GTF2I: variants seen among roughly 807,000 people sequenced by gnomAD.
GTF2I encodes the protein general transcription factor IIi.
GTF2I carries 12 observed loss-of-function variants against 67.6 expected under a neutral mutation model. The observed-to-expected ratio is 0.18, with a 90% CI of 0.11 to 0.29. The LOEUF is 0.29. Among genes scored for constraint, GTF2I ranks in the 10% least tolerant of loss-of-function variants. The pLI, the probability that GTF2I is intolerant of heterozygous loss-of-function variation, is 1.00. For synonymous variants in GTF2I, 149 were observed against 197.0 expected, an observed-to-expected ratio of 0.76 and a Z score of 2.04; for missense variants, 271 against 580.1, an observed-to-expected ratio of 0.47 and a Z score of 5.47.
In GTF2I at chr7:74,663,542, C is replaced by T. The variant is rs1351007433; in HGVS notation, c.-6+5474C>T. Reference sequence around the variant, plus strand: ...CTGACCTCAAGTGATCCACCCACCTCGGCCTCCCCAAGTGCTGAGATTACA... The same window carrying T: ...CTGACCTCAAGTGATCCACCCACCTTGGCCTCCCCAAGTGCTGAGATTACA... On this transcript the variant is annotated intron_variant, in intron 1 of 34. Coordinates refer to ENST00000573035, the MANE Select transcript of GTF2I (RefSeq NM_032999.4). 5.3e-5 allele frequency among the ~76,000 whole-genome samples: 8 copies of T among 152,228 alleles called. No individual in the cohort carries two copies. The East Asian group carries it at 1.2e-3, about 22-fold the overall frequency.
chr7:74,706,529 G>C (rs957563876), intron 8 of GTF2I, 96 bp downstream of exon 8: 115 of 934,914 alleles, frequency 1.2e-4, no homozygotes, highest in Non-Finnish European at 1.9e-4. Context: ...GTTTTGTTTT[G>C]ATAAGAAAGA....
intron 8 of GTF2I, among the ~76,000 whole-genome samples, chr7:74,708,114 AC>A (rs1384377933): frequency 1.3e-5 from 2 of 152,160 alleles, no homozygotes; most frequent in Non-Finnish European, 2.9e-5. Flanking sequence ...GGCCTGGCCA[AC>A]ATGGTGAAAC....
Position 74,679,111 on chromosome 7 carries a change from C to G in GTF2I, c.-5-10013C>G, listed in dbSNP as rs587628973. Among the ~76,000 whole-genome samples, 143 of 150,940 alleles carry G rather than the reference C, an allele frequency of 9.5e-4. 1 individual carries two copies. Among genetic ancestry groups the G allele is most frequent in the African/African-American group, 3.2e-3 (131 of 41,058 alleles). ...TTTAATTTTTTGAGATGGAGTCTCACTCTGTTGCTCAGGCTGGAGTGCAGT... is the reference window on the plus strand; with the variant it reads ...TTTAATTTTTTGAGATGGAGTCTCAGTCTGTTGCTCAGGCTGGAGTGCAGT... On this transcript the variant is annotated intron_variant, in intron 1 of 34. Coordinates refer to ENST00000573035, the MANE Select transcript of GTF2I (RefSeq NM_032999.4).
At chr7:74,664,792 A>G (rs1804825553) in intron 1 of GTF2I, among the ~76,000 whole-genome samples, 1 of 152,096 alleles carries the variant, frequency 6.6e-6, no homozygotes, top group Admixed American at 6.6e-5. Flanking sequence ...ATGAGAGGGA[A>G]GACAAATTTA....
intron 20 of GTF2I, 198 bp downstream of exon 20, chr7:74,743,718 C>CTAAAA (rs1485933858): frequency 4.5e-5 from 21 of 462,106 alleles, no homozygotes; most frequent in African/African-American, 4.2e-4. Flanking sequence ...CCCGTCTCTA[C>CTAAAA]TAAAAATACA....
intron 1 of GTF2I, among the ~76,000 whole-genome samples, chr7:74,667,544 G>T (rs1805087745): frequency 1.3e-5 from 2 of 152,044 alleles, no homozygotes; most frequent in Admixed American, 1.3e-4. Context: ...GGGACGGGAT[G>T]TCACTCTGTT....
At chr7:74,723,428 C>CTTTCTTTTTTTTT (rs1793325125) in intron 12 of GTF2I, among the ~76,000 whole-genome samples, 1 of 61,090 alleles carries the variant, frequency 1.6e-5, no homozygotes, top group Non-Finnish European at 2.6e-5. Flanking sequence ...CTCCCGGCCT[C>CTTTCTTTTTTTTT]TTTTTTTTTT....
rs1454414098 is a variant in GTF2I at position 74,743,706 on chromosome 7, A to AC, written c.1750+190dup. ...AGACCATCCTGGCGAACACGATGAA[A>AC]CCCCGTCTCTACTAAAAATACAGGA... On this transcript the variant is annotated intron_variant, in intron 20 of 34. Transcript: ENST00000573035. 10 of 531,044 alleles carry AC rather than the reference A, an allele frequency of 1.9e-5. No homozygotes were observed. In the East Asian group the frequency reaches 3.6e-4, roughly 19 times the overall value. The allele number at this position is 531,044 out of a possible 1,614,324, so 32.9% of individuals were successfully genotyped here. A position where few individuals can be genotyped will look rare whatever the true frequency, so the allele number is the denominator to read the frequency against.
chr7:74,659,394 A>T (rs1197400443), intron 1 of GTF2I, among the ~76,000 whole-genome samples: 2 of 144,984 alleles, frequency 1.4e-5, no homozygotes, highest in Non-Finnish European at 3.0e-5. Context: ...TGCCCTGCTA[A>T]TTTTTTTTTT....
chr7:74,711,182 CTTTAA>C, intron 9 of GTF2I, 73 bp downstream of exon 9: 1 of 637,608 alleles, frequency 1.6e-6, no homozygotes, highest in South Asian at 2.0e-5. Flanking sequence ...TCATCAATTG[CTTTAA>C]TTTCTTAAAT....
intron 1 of GTF2I, among the ~76,000 whole-genome samples, chr7:74,687,219 GTATT>G (rs1340238232): frequency 1.3e-5 from 2 of 151,484 alleles, no homozygotes; most frequent in African/African-American, 4.9e-5. Flanking sequence ...ATTATGGTTT[GTATT>G]TATTTATTTT....
chr7:74,705,752 C>T (rs184564614), intron 7 of GTF2I, among the ~76,000 whole-genome samples: 2 of 151,962 alleles, frequency 1.3e-5, no homozygotes, highest in Admixed American at 6.6e-5. Context: ...TTAGTAGAGA[C>T]GGGGTTTCAC....
Position 74,658,427 on chromosome 7 carries a change from C to T in GTF2I, c.-6+359C>T, listed in dbSNP as rs1414196394. ...CGGCGTGCGGTGGGGGGGCGCCTCG[C>T]GCGTGCGATCCCGCGCGCGAGCGAG... On this transcript the variant is annotated intron_variant, in intron 1 of 34. Transcript: ENST00000573035. Among the ~76,000 whole-genome samples, 25 of 144,750 alleles carry T rather than the reference C, an allele frequency of 1.7e-4. 1 individual carries two copies. Among genetic ancestry groups the T allele is most frequent in the South Asian group, 6.3e-4 (3 of 4,754 alleles). 95.0% of individuals were successfully genotyped at this position (144,750 alleles called of 152,430 possible).
chr7:74,693,008 C>A (rs954381954), intron 3 of GTF2I, among the ~76,000 whole-genome samples: 2 of 152,002 alleles, frequency 1.3e-5, no homozygotes, highest in Non-Finnish European at 2.9e-5. Flanking sequence ...GTTATCTGCC[C>A]GCCTCGGCCT....
At chr7:74,661,573 G>A (rs781961932) in intron 1 of GTF2I, among the ~76,000 whole-genome samples, 5 of 152,034 alleles carry the variant, frequency 3.3e-5, no homozygotes, top group Non-Finnish European at 7.4e-5. Context: ...CAGCTACTTG[G>A]GGAGGCTGAG....
chr7:74,676,822 G>C (rs1399080541), intron 1 of GTF2I, among the ~76,000 whole-genome samples: 1 of 152,134 alleles, frequency 6.6e-6, no homozygotes, highest in Non-Finnish European at 1.5e-5. Context: ...TTAGGAGGCT[G>C]AGGCGGGCAA....
chr7:74,705,714 A>C (rs1162548216), intron 7 of GTF2I, among the ~76,000 whole-genome samples: 1 of 152,022 alleles, frequency 6.6e-6, no homozygotes, highest in Non-Finnish European at 1.5e-5. Context: ...AGCATGTGCC[A>C]CCATGCCCAG....
Position 74,680,103 on chromosome 7 carries a change from T to C in GTF2I, c.-5-9021T>C, listed in dbSNP as rs782274218. Among the ~76,000 whole-genome samples the C allele has an allele frequency of 3.9e-5, 4 of 103,538 alleles. No individual in the cohort carries two copies. The Admixed American group carries it at 4.5e-4, about 12-fold the overall frequency. 67.9% of individuals were successfully genotyped at this position (103,538 alleles called of 152,430 possible). On this transcript the variant is annotated intron_variant, in intron 1 of 34. Coordinates refer to ENST00000573035, the MANE Select transcript of GTF2I (RefSeq NM_032999.4). ...TCAAAAAAAAAAAAAAAAAAAAATATATATATATATATATGTATGTATGTA... is the reference window on the plus strand; with the variant it reads ...TCAAAAAAAAAAAAAAAAAAAAATACATATATATATATATGTATGTATGTA...
At chr7:74,730,965 C>A (rs1362618493) in intron 14 of GTF2I, among the ~76,000 whole-genome samples, 1 of 126,288 alleles carries the variant, frequency 7.9e-6, no homozygotes, top group African/African-American at 3.0e-5. Flanking sequence ...CCTTGGCCTC[C>A]CAAAGTGCTA....
Sources: allele counts gnomAD v4.1 joint callset (sites outside exome capture counted in the v4.1 genomes callset), GRCh38; gene constraint gnomAD v4.1.1; transcripts MANE v1.5; gene names NCBI Gene and HGNC (gene_info 2026-07-23, HGNC 2026-07-21).